The following TMC1 variants were observed in gnomAD, a reference collection of about 807,000 sequenced individuals.
The protein encoded by TMC1 is transmembrane channel-like protein 1.
A neutral mutation model predicts 105.8 loss-of-function variants in TMC1; 84 were observed. That is an observed-to-expected ratio of 0.79 (90% CI 0.67 to 0.95). TMC1 has a LOEUF of 0.95. TMC1 is among the 40% of genes least tolerant of loss of function. TMC1 has a pLI of 0.00. For missense variants in TMC1, 817 were observed against 914.1 expected (o/e 0.89, Z 1.37); for synonymous variants, 315 against 311.5 (o/e 1.01, Z -0.12).
rs931234840 is a variant in TMC1, at chr9:72,821,039, T to G, written c.1961T>G (p.Met654Arg). The change falls in exon 20 of 24, where the codon ATG becomes AGG. Residue 654 changes from methionine to arginine, a missense_variant. Physicochemically the swap from Met to Arg is moderately conservative, Grantham distance 91. Coordinates refer to ENST00000297784, the MANE Select transcript of TMC1 (RefSeq NM_138691.3). ...LFLSTMPVLY[M>R]IVSLPPSFDC... ...CTGTCCACAATGCCTGTCTTGTACA[T>G]GATCGTGTCCCTCCCACCATCTTTT... 1 of 1,614,074 alleles carries G rather than the reference T, an allele frequency of 6.2e-7. No individual in the cohort carries two copies. The highest frequency in any genetic ancestry group is 1.7e-5 in the Admixed American group (1 of 59,998).
intron 3 of TMC1, among the ~76,000 whole-genome samples, chr9:72,626,180 T>A (rs1402168508): frequency 6.6e-6 from 1 of 152,194 alleles, no homozygotes; most frequent in African/African-American, 2.4e-5. Flanking sequence ...CACAACTGCA[T>A]GAGAGACCCT....
intron 1 of TMC1, among the ~76,000 whole-genome samples, chr9:72,537,648 T>C (rs1823606682): frequency 6.6e-6 from 1 of 152,214 alleles, no homozygotes; most frequent in Non-Finnish European, 1.5e-5. Context: ...AAGGTAGTTT[T>C]GTGTAGCTTG....
At chr9:72,575,789 C>T (rs1226493844) in intron 1 of TMC1, among the ~76,000 whole-genome samples, 3 of 152,166 alleles carry the variant, frequency 2.0e-5, no homozygotes, top group Non-Finnish European at 4.4e-5. Flanking sequence ...CACTTTGTTA[C>T]TTCACAATCC....
chr9:72,787,272 G>C (rs1404594795), intron 13 of TMC1, among the ~76,000 whole-genome samples: 1 of 151,968 alleles, frequency 6.6e-6, no homozygotes, highest in African/African-American at 2.4e-5. Context: ...ATTTGCAAAG[G>C]GTAAAGTGGT....
chr9:72,722,851 C>T (rs1827052126), intron 8 of TMC1, among the ~76,000 whole-genome samples: 2 of 152,040 alleles, frequency 1.3e-5, no homozygotes, highest in African/African-American at 4.8e-5. Flanking sequence ...TCCACTATAG[C>T]CAATTTTAAG....
At chr9:72,705,223 C>A (rs945338428) in intron 8 of TMC1, among the ~76,000 whole-genome samples, 1 of 152,080 alleles carries the variant, frequency 6.6e-6, no homozygotes, top group Non-Finnish European at 1.5e-5. Flanking sequence ...GTCTTGAAAC[C>A]TAAGACTTTT....
At chr9:72,821,826 G>A (rs1828879613) in intron 20 of TMC1, among the ~76,000 whole-genome samples, 1 of 152,140 alleles carries the variant, frequency 6.6e-6, no homozygotes, top group South Asian at 2.1e-4. Flanking sequence ...GAGAGAGACA[G>A]ACAGAGAGAG....
At position 72,713,267 on chromosome 9, in the gene TMC1, A is replaced by G. The variant is rs146444839; in HGVS notation, c.362+12624A>G. On this transcript the variant is annotated intron_variant, in intron 8 of 23. Coordinates refer to ENST00000297784, the MANE Select transcript of TMC1 (RefSeq NM_138691.3). ...TGTTGTGTCTCTGCCAGGTTTTGCT[A>G]TTAGGATGATGCTGGCCTCATAAAA... is the stretch of plus-strand genomic sequence containing the variant. Among the ~76,000 whole-genome samples, 8 of 152,246 alleles carry G rather than the reference A, an allele frequency of 5.3e-5. No homozygotes were observed. The East Asian group carries it at 1.5e-3, about 29-fold the overall frequency.
At chr9:72,699,323 C>T (rs1156405765) in intron 7 of TMC1, among the ~76,000 whole-genome samples, 1 of 152,124 alleles carries the variant, frequency 6.6e-6, no homozygotes, top group Admixed American at 6.5e-5. Flanking sequence ...AAAGGATTCA[C>T]TTCCACCAAA....
At position 72,641,374 on chromosome 9, in the gene TMC1, T is replaced by C. The variant is rs1356587453; in HGVS notation, c.-52-7223T>C. On this transcript the variant is annotated intron_variant, in intron 4 of 23. Coordinates refer to ENST00000297784, the MANE Select transcript of TMC1 (RefSeq NM_138691.3). ...TCCCAAAATGCTGGGATAGCAGGCGTGAGCCACTACGCCCAGCCTCACCCT... is the reference window on the plus strand; with the variant it reads ...TCCCAAAATGCTGGGATAGCAGGCGCGAGCCACTACGCCCAGCCTCACCCT... Among the ~76,000 whole-genome samples, 6 of 152,220 alleles carry C rather than the reference T, an allele frequency of 3.9e-5. No individual in the cohort carries two copies. In the East Asian group the frequency reaches 1.2e-3, roughly 29 times the overall value.
rs796092443 is a variant in TMC1, at chr9:72,607,000, T to TAGAGAGAGAGAG, written c.-305-9367_-305-9366insGAGAGAGAGAGA. Among the ~76,000 whole-genome samples the TAGAGAGAGAGAG allele has an allele frequency of 7.6e-3, 975 of 128,654 alleles. 8 individuals carry two copies. The highest frequency in any genetic ancestry group is 0.027 in the African/African-American group (897 of 33,694). The allele number at this position is 128,654 out of a possible 152,430, so 84.4% of individuals were successfully genotyped here. A position where few individuals can be genotyped will look rare whatever the true frequency, so the allele number is the denominator to read the frequency against. On this transcript the variant is annotated intron_variant, in intron 2 of 23. Transcript: ENST00000297784. ...GTGTGTGCATATATATATATATATA[T>TAGAGAGAGAGAG]ATAGAGAGAGAGAGAGAGAGAGAGA...
chr9:72,702,254 T>A (rs1209084553), intron 8 of TMC1, among the ~76,000 whole-genome samples: 1 of 152,180 alleles, frequency 6.6e-6, no homozygotes, highest in African/African-American at 2.4e-5. Context: ...TTCCAAGGAC[T>A]ACCTTTCCTT....
intron 18 of TMC1, among the ~76,000 whole-genome samples, chr9:72,812,153 C>T (rs1474564156): frequency 1.3e-5 from 2 of 152,186 alleles, no homozygotes; most frequent in African/African-American, 2.4e-5. Flanking sequence ...ATAATTCATA[C>T]ACTAAACCTA....
At chr9:72,754,915 G>T in intron 12 of TMC1, 31 bp downstream of exon 12, 1 of 1,524,058 alleles carries the variant, frequency 6.6e-7, no homozygotes, top group Non-Finnish European at 9.1e-7. Flanking sequence ...GTATTGGTGG[G>T]AGGATGGATT....
At chr9:72,546,040 T>A (rs901135557) in intron 1 of TMC1, among the ~76,000 whole-genome samples, 1 of 151,512 alleles carries the variant, frequency 6.6e-6, no homozygotes, top group Non-Finnish European at 1.5e-5. Flanking sequence ...CCCACCACTT[T>A]GGGAGGCCGA....
intron 18 of TMC1, among the ~76,000 whole-genome samples, chr9:72,811,260 A>T (rs1034435845): frequency 6.6e-6 from 1 of 152,180 alleles, no homozygotes; most frequent in Admixed American, 6.5e-5. Flanking sequence ...TTTTCAAGAC[A>T]CAAATTTATG....
chr9:72,556,998 C>T (rs1823952799), intron 1 of TMC1, among the ~76,000 whole-genome samples: 1 of 152,158 alleles, frequency 6.6e-6, no homozygotes, highest in South Asian at 2.1e-4. Flanking sequence ...GAACATCCTG[C>T]AGTGCACAGG....
intron 12 of TMC1, among the ~76,000 whole-genome samples, chr9:72,760,277 T>C (rs1021566626): frequency 6.6e-6 from 1 of 152,164 alleles, no homozygotes; most frequent in African/African-American, 2.4e-5. Context: ...AATGACTTCA[T>C]AGAGGTGCTC....
chr9:72,561,025 G>C (rs1437443732), intron 1 of TMC1, among the ~76,000 whole-genome samples: 1 of 151,952 alleles, frequency 6.6e-6, no homozygotes, highest in Non-Finnish European at 1.5e-5. Flanking sequence ...CAATTAAAGA[G>C]AGAAAAGGCC....
Sources: gnomAD v4.1 joint callset for allele counts (sites outside exome capture counted in the v4.1 genomes callset) on GRCh38, gnomAD v4.1.1 for gene constraint, MANE v1.5 for transcripts, NCBI Gene and HGNC (gene_info 2026-07-23, HGNC 2026-07-21) for gene names.